The following ADAMTSL1 variants were observed in gnomAD, a reference collection of about 807,000 sequenced individuals.
ADAMTSL1 encodes ADAMTS-like protein 1.
ADAMTSL1 carries 126 observed loss-of-function variants against 201.8 expected under a neutral mutation model. That is an observed-to-expected ratio of 0.62 (90% CI 0.54 to 0.72). The LOEUF is 0.72. Ranked by LOEUF, ADAMTSL1 falls within the 30% of genes least tolerant of loss-of-function variation. The probability of loss-of-function intolerance (pLI) is 0.00; values close to 1 mark genes in which losing one functional copy is unlikely to be tolerated. For missense variants in ADAMTSL1, 2,679 were observed against 2,277.8 expected (o/e 1.18, Z -3.59); for synonymous variants, 1,121 against 903.4 (o/e 1.24, Z -4.32).
intron 2 of ADAMTSL1, among the ~76,000 whole-genome samples, chr9:18,307,661 T>A (rs1290384770): frequency 6.6e-6 from 1 of 152,076 alleles, no homozygotes; most frequent in Non-Finnish European, 1.5e-5. Flanking sequence ...TAAATATATA[T>A]GCACCCAATA....
At chr9:18,579,712 C>A (rs1587625196) in intron 4 of ADAMTSL1, among the ~76,000 whole-genome samples, 1 of 152,244 alleles carries the variant, frequency 6.6e-6, no homozygotes, top group Non-Finnish European at 1.5e-5. Flanking sequence ...TCATCTTTTG[C>A]AGATAGCTCC....
chr9:18,217,204 C>T (rs1830086085), intron 2 of ADAMTSL1, among the ~76,000 whole-genome samples: 1 of 152,164 alleles, frequency 6.6e-6, no homozygotes, highest in African/African-American at 2.4e-5. Flanking sequence ...CTGGGTTCCA[C>T]AGAAATGACA....
At chr9:18,038,777 A>G (rs559065188) in intron 1 of ADAMTSL1, among the ~76,000 whole-genome samples, 9 of 152,340 alleles carry the variant, frequency 5.9e-5, no homozygotes, top group East Asian at 5.8e-4. Flanking sequence ...TAAAGCATCT[A>G]ACAAGAAAGT....
intron 1 of ADAMTSL1, among the ~76,000 whole-genome samples, chr9:17,973,648 G>A (rs1265395483): frequency 1.8e-5 from 2 of 112,672 alleles, no homozygotes; most frequent in African/African-American, 3.0e-5. Context: ...GGCAATGTGG[G>A]CTCTTTTTTG....
chr9:18,131,491 A>C (rs1338137607), intron 1 of ADAMTSL1, among the ~76,000 whole-genome samples: 1 of 152,180 alleles, frequency 6.6e-6, no homozygotes, highest in African/African-American at 2.4e-5. Context: ...TGATGAGGGC[A>C]TCAGATAATG....
In ADAMTSL1 at chr9:17,913,995, C is replaced by T. The variant is rs570872025; in HGVS notation, c.87+7073C>T. On this transcript the variant is annotated intron_variant, in intron 1 of 29. Coordinates refer to the ADAMTSL1 transcript ENST00000680146. ...GGAAGAAGTTGAATCTCTGAATAGA[C>T]GAATAACAGGCTCTGAAATTGTGGC... Among the ~76,000 whole-genome samples, 1,047 of 152,252 alleles carry T rather than the reference C, an allele frequency of 6.9e-3. 10 individuals carry two copies. The highest frequency in any genetic ancestry group is 0.024 in the African/African-American group (1,000 of 41,544).
At chr9:18,688,877 G>A (rs564907156) in intron 13 of ADAMTSL1, among the ~76,000 whole-genome samples, 1 of 150,262 alleles carries the variant, frequency 6.7e-6, no homozygotes, top group Non-Finnish European at 1.5e-5. Context: ...TTTTCCGAGG[G>A]TAATAGCAGT....
chr9:18,229,133 A>T (rs1335735483), intron 2 of ADAMTSL1, among the ~76,000 whole-genome samples: 2 of 152,154 alleles, frequency 1.3e-5, no homozygotes, highest in African/African-American at 4.8e-5. Flanking sequence ...TTGCTGCCAA[A>T]AATTAGTCCC....
At chr9:17,958,849 G>A (rs1403532130) in intron 1 of ADAMTSL1, among the ~76,000 whole-genome samples, 1 of 152,076 alleles carries the variant, frequency 6.6e-6, no homozygotes, top group Non-Finnish European at 1.5e-5. Flanking sequence ...GGAAATGTGG[G>A]CCCATTATAA....
At chr9:18,045,643 C>A (rs909899641) in intron 1 of ADAMTSL1, among the ~76,000 whole-genome samples, 1 of 151,984 alleles carries the variant, frequency 6.6e-6, no homozygotes, top group Admixed American at 6.6e-5. Context: ...TAGTGATAGG[C>A]CATAGCTTTC....
Position 18,722,399 on chromosome 9 carries a change from G to A in ADAMTSL1, c.2006+734G>A, listed in dbSNP as rs188689931. On this transcript the variant is annotated intron_variant, in intron 15 of 28. Transcript: ENST00000380548. ...AGACTTTCAAATCTGCTGATGGAAT[G>A]AAGAAATGTTGCTGAATAGGGTCAG... Among the ~76,000 whole-genome samples, 975 of 152,348 alleles carry A rather than the reference G, an allele frequency of 6.4e-3. 46 individuals carry two copies. The highest frequency in any genetic ancestry group is 0.061 in the Admixed American group (931 of 15,302).
intron 2 of ADAMTSL1, among the ~76,000 whole-genome samples, chr9:18,184,265 G>A (rs957285275): frequency 5.9e-5 from 9 of 152,148 alleles, no homozygotes; most frequent in South Asian, 4.1e-4. Flanking sequence ...CCTCTGCCTC[G>A]TGTACCAAAG....
At chr9:18,345,916 G>A (rs985455166) in intron 2 of ADAMTSL1, among the ~76,000 whole-genome samples, 3 of 152,058 alleles carry the variant, frequency 2.0e-5, no homozygotes, top group Non-Finnish European at 4.4e-5. Context: ...ATCCACTCAA[G>A]GACTGCAGGC....
chr9:18,616,668 G>A (rs762661035), intron 4 of ADAMTSL1, among the ~76,000 whole-genome samples: 18 of 151,996 alleles, frequency 1.2e-4, no homozygotes, highest in Non-Finnish European at 2.9e-5. Flanking sequence ...ATCCAGATGT[G>A]ACCTCCCCCC....
chr9:18,085,989 C>T (rs577407203), intron 1 of ADAMTSL1, among the ~76,000 whole-genome samples: 5 of 152,064 alleles, frequency 3.3e-5, no homozygotes, highest in African/African-American at 1.2e-4. Flanking sequence ...AAAGTCAAAT[C>T]GATGAGCACA....
intron 23 of ADAMTSL1, among the ~76,000 whole-genome samples, chr9:18,847,822 C>T (rs894627482): frequency 1.3e-5 from 2 of 152,188 alleles, no homozygotes; most frequent in Admixed American, 6.5e-5. Flanking sequence ...AGAGAGGCAA[C>T]CAGGCAGAGG....
intron 23 of ADAMTSL1, among the ~76,000 whole-genome samples, chr9:18,832,297 T>A (rs1227231495): frequency 1.3e-5 from 2 of 152,148 alleles, no homozygotes; most frequent in Non-Finnish European, 2.9e-5. Context: ...GGTGGCCCTT[T>A]CAGACCACAG....
chr9:18,648,708 T>G (rs532679990), intron 7 of ADAMTSL1, among the ~76,000 whole-genome samples: 6 of 152,006 alleles, frequency 3.9e-5, no homozygotes, highest in African/African-American at 1.4e-4. Context: ...GAATGTTGAA[T>G]ATTGGTCCCC....
At chr9:18,761,110 A>G (rs1191769708) in intron 16 of ADAMTSL1, among the ~76,000 whole-genome samples, 1 of 152,252 alleles carries the variant, frequency 6.6e-6, no homozygotes, top group Non-Finnish European at 1.5e-5. Flanking sequence ...AAGTGAAGTG[A>G]GTTGGAAGTT....
Sources: allele counts gnomAD v4.1 joint callset (sites outside exome capture counted in the v4.1 genomes callset), GRCh38; gene constraint gnomAD v4.1.1; transcripts MANE v1.5; gene names NCBI Gene and HGNC (gene_info 2026-07-23, HGNC 2026-07-21).